MEMO1: variants seen among roughly 807,000 people sequenced by gnomAD.
The protein encoded by MEMO1 is mediator of cell motility 1.
Under a neutral mutation model 45.2 loss-of-function variants are expected in MEMO1, and 6 were observed. The ratio of observed to expected loss-of-function variants is 0.13; its 90% CI spans 0.07 to 0.26. The LOEUF is 0.26. MEMO1 is among the 10% of genes least tolerant of loss of function. MEMO1 has a pLI of 1.00. For missense variants in MEMO1, 184 were observed against 370.5 expected (o/e 0.50, Z 4.13); for synonymous variants, 78 against 124.3 (o/e 0.63, Z 2.48).
In MEMO1 at chr2:31,925,475, C is replaced by CAAAAAAAAAAAAAAA. The variant is rs70964741; in HGVS notation, c.213-4580_213-4566dup. ...TGGGGGACAGAGCAAGACTCCGTCT[C>CAAAAAAAAAAAAAAA]AAAAAAAAAAAAAAAAAAAAAAAAT... is the stretch of plus-strand genomic sequence containing the variant. On this transcript the variant is annotated intron_variant, in intron 4 of 9. Transcript: ENST00000404530. Among the ~76,000 whole-genome samples, 21 of 79,214 alleles carry CAAAAAAAAAAAAAAA rather than the reference C, an allele frequency of 2.7e-4. 1 individual carries two copies. Among genetic ancestry groups the CAAAAAAAAAAAAAAA allele is most frequent in the South Asian group, 3.3e-4 (1 of 2,988 alleles). The allele number at this position is 79,214 out of a possible 152,430, so 52.0% of individuals were successfully genotyped here.
intron 8 of MEMO1, among the ~76,000 whole-genome samples, chr2:31,874,443 TTA>T (rs1057082431): frequency 3.9e-5 from 6 of 152,092 alleles, no homozygotes; most frequent in African/African-American, 1.4e-4. Flanking sequence ...CTCCTATATT[TTA>T]TGTGTTTTTT....
chr2:31,997,790 G>T (rs1672780765), intron 2 of MEMO1, among the ~76,000 whole-genome samples: 1 of 152,168 alleles, frequency 6.6e-6, no homozygotes, highest in Non-Finnish European at 1.5e-5. Flanking sequence ...GTAATTGGGG[G>T]AGGGGAGATT....
chr2:31,894,960 T>C (rs532997518), intron 6 of MEMO1, among the ~76,000 whole-genome samples: 4 of 152,226 alleles, frequency 2.6e-5, no homozygotes, highest in Admixed American at 2.0e-4. Flanking sequence ...CTTCAACCAA[T>C]AATTAGCTAA....
intron 8 of MEMO1, among the ~76,000 whole-genome samples, chr2:31,874,045 T>A (rs1192884762): frequency 6.6e-6 from 1 of 152,094 alleles, no homozygotes; most frequent in East Asian, 1.9e-4. Context: ...TAGTTCACAT[T>A]CAAATTAAGT....
rs149852945 is a variant in MEMO1 at position 31,902,718 on chromosome 2, G to A, written c.438-10584C>T. Among the ~76,000 whole-genome samples the A allele has an allele frequency of 3.6e-3, 553 of 152,036 alleles. 3 individuals carry two copies. Among genetic ancestry groups the A allele is most frequent in the African/African-American group, 0.013 (537 of 41,478 alleles). ...CCAAGATAAAAGAGCTGAAATCCAA[G>A]AACCTCCCCCTCACATTTTGTTTGT... On this transcript the variant is annotated intron_variant, in intron 6 of 9. Transcript: ENST00000404530.
intron 6 of MEMO1, among the ~76,000 whole-genome samples, chr2:31,901,458 G>C (rs1179250888): frequency 6.7e-6 from 1 of 149,124 alleles, no homozygotes; most frequent in Non-Finnish European, 1.5e-5. Context: ...AGTATCCTAA[G>C]TGAAAAATAG....
Position 31,943,658 on chromosome 2 carries a change from T to C in MEMO1, c.62-275A>G, listed in dbSNP as rs78569649. On this transcript the variant is annotated intron_variant, in intron 2 of 9. Transcript: ENST00000404530. ...AGAGCAACACAATGTGATTTACAAG[T>C]TGAGGCAATATTTAAACAAAATAAA... Among the ~76,000 whole-genome samples the C allele has an allele frequency of 7.4e-3, 1,134 of 152,328 alleles. 17 individuals carry two copies. Among genetic ancestry groups the C allele is most frequent in the African/African-American group, 0.026 (1,064 of 41,570 alleles).
At chr2:31,881,976 C>G (rs1309849288) in intron 8 of MEMO1, among the ~76,000 whole-genome samples, 1 of 152,116 alleles carries the variant, frequency 6.6e-6, no homozygotes, top group Non-Finnish European at 1.5e-5. Flanking sequence ...GAAACCCTGT[C>G]TTTACAAAAA....
intron 2 of MEMO1, among the ~76,000 whole-genome samples, chr2:31,990,322 C>T (rs1671788209): frequency 6.6e-6 from 1 of 151,916 alleles, no homozygotes; most frequent in African/African-American, 2.4e-5. Flanking sequence ...CTTCTTGTTC[C>T]GAAAGATAGT....
In MEMO1 at chr2:31,917,907, C is replaced by T; in HGVS notation, c.437+19G>A. On this transcript the variant is annotated intron_variant, in intron 6 of 9. Transcript: ENST00000404530. ...AATGTCTATGATTTCCTGGGGATTT[C>T]TTATATCAATCAATATACCTTTCCA... The T allele has an allele frequency of 6.7e-7, 1 of 1,488,602 alleles. No individual in the cohort carries two copies. The highest frequency in any genetic ancestry group is 9.2e-7 in the Non-Finnish European group (1 of 1,090,054). The allele number at this position is 1,488,602 out of a possible 1,614,324, so 92.2% of individuals were successfully genotyped here. A position where few individuals can be genotyped will look rare whatever the true frequency, so the allele number is the denominator to read the frequency against.
chr2:31,913,556 T>A (rs1291053503), intron 6 of MEMO1, among the ~76,000 whole-genome samples: 1 of 150,844 alleles, frequency 6.6e-6, no homozygotes, highest in Non-Finnish European at 1.5e-5. Flanking sequence ...TAAAAAAACA[T>A]GTAATTTTTT....
At chr2:31,909,813 G>T (rs1680298044) in intron 6 of MEMO1, among the ~76,000 whole-genome samples, 1 of 151,984 alleles carries the variant, frequency 6.6e-6, no homozygotes, top group African/African-American at 2.4e-5. Flanking sequence ...CAGAAGGAGA[G>T]AAAGAAATAC....
At chr2:31,965,936 C>T (rs1431943326) in intron 2 of MEMO1, among the ~76,000 whole-genome samples, 1 of 152,042 alleles carries the variant, frequency 6.6e-6, no homozygotes, top group African/African-American at 2.4e-5. Context: ...AACAAACCTG[C>T]ACATCCTACA....
chr2:31,886,271 G>A (rs535303243), intron 7 of MEMO1, among the ~76,000 whole-genome samples: 4 of 152,196 alleles, frequency 2.6e-5, no homozygotes, highest in African/African-American at 9.6e-5. Context: ...AGCTCAAATC[G>A]TCTCATGGTA....
Position 31,918,003 on chromosome 2 carries a change from T to C in MEMO1, c.360A>G (p.Glu120=), listed in dbSNP as rs1228746989. ...CTTCATCTGTCTGCAGAGACATGCG[T>C]TCAAACATTCCTGTCTTCCACAGTT... ...YGELWKTGMF[E]RMSLQTDEDE... Residue 120 remains glutamate (E), a synonymous_variant, in exon 6 of 10, where the codon GAA becomes GAG. Coordinates refer to ENST00000404530, the MANE Select transcript of MEMO1 (RefSeq NM_001301833.4). 1.2e-6 allele frequency: 2 copies of C among 1,611,602 alleles called. No homozygotes were observed. Among genetic ancestry groups the C allele is most frequent in the South Asian group, 2.2e-5 (2 of 90,848 alleles).
At chr2:32,001,832 AATC>A (rs1673351404) in intron 2 of MEMO1, among the ~76,000 whole-genome samples, 1 of 152,122 alleles carries the variant, frequency 6.6e-6, no homozygotes, top group Non-Finnish European at 1.5e-5. Flanking sequence ...CCCTATACCT[AATC>A]ATAAGATTAT....
At chr2:31,881,495 T>TAAAAAA (rs34058748) in intron 8 of MEMO1, among the ~76,000 whole-genome samples, 3 of 68,424 alleles carry the variant, frequency 4.4e-5, no homozygotes, top group African/African-American at 1.2e-4. Flanking sequence ...AGCCTGTCTT[T>TAAAAAA]AAAAAAAAAA....
At chr2:31,929,903 T>G (rs1178957578) in intron 4 of MEMO1, among the ~76,000 whole-genome samples, 2 of 152,202 alleles carry the variant, frequency 1.3e-5, no homozygotes, top group Non-Finnish European at 2.9e-5. Context: ...AATTATTAAT[T>G]TTACACTTAG....
chr2:31,914,010 A>G (rs2148131843), intron 6 of MEMO1, among the ~76,000 whole-genome samples: 1 of 152,294 alleles, frequency 6.6e-6, no homozygotes, highest in Middle Eastern at 3.4e-3. Context: ...CTCAATTGCT[A>G]TCCTGCTAGA....
Sources: gnomAD v4.1 joint callset for allele counts (sites outside exome capture counted in the v4.1 genomes callset) on GRCh38, gnomAD v4.1.1 for gene constraint, MANE v1.5 for transcripts, NCBI Gene and HGNC (gene_info 2026-07-23, HGNC 2026-07-21) for gene names.